MEGF6: variants seen among roughly 807,000 people sequenced by gnomAD.
MEGF6 encodes multiple epidermal growth factor-like domains protein 6.
Under a neutral mutation model 207.1 loss-of-function variants are expected in MEGF6, and 184 were observed. The observed-to-expected ratio is 0.89, with a 90% confidence interval of 0.79 to 1.00. The LOEUF (loss-of-function observed/expected upper bound fraction) is 1.00. Among genes scored for constraint, MEGF6 ranks in the 50% least tolerant of loss-of-function variants. The pLI is 0.00. For missense variants in MEGF6, 2,282 were observed against 2,202.9 expected (o/e 1.04, Z -0.72); for synonymous variants, 1,038 against 910.0 (o/e 1.14, Z -2.53).
rs535501065 is a variant in MEGF6, at chr1:3,499,022, TC to T, written c.3094+115del. The T allele has an allele frequency of 5.8e-4, 850 of 1,465,880 alleles. 3 individuals are homozygous for T. In the African/African-American group the frequency reaches 0.011, roughly 18 times the overall value. The allele number at this position is 1,465,880 out of a possible 1,614,324, so 90.8% of individuals were successfully genotyped here. On this transcript the variant is annotated intron_variant, in intron 24 of 36. Transcript: ENST00000356575. The stretch of plus-strand genomic sequence containing the variant: ...CACAGGTGAAAGGCACGGTCCTCAG[TC>T]CTAACAGCCCCTTCCTCCCTCCCCC...
At chr1:3,606,795 G>T (rs147015821) in intron 1 of MEGF6, among the ~76,000 whole-genome samples, 2 of 152,154 alleles carry the variant, frequency 1.3e-5, no homozygotes, top group Non-Finnish European at 2.9e-5. Flanking sequence ...AAGCCGGGGG[G>T]AATAGGCCAA....
chr1:3,531,395 C>A (rs1381197773), intron 4 of MEGF6: 11 of 1,159,260 alleles, frequency 9.5e-6, no homozygotes, highest in Non-Finnish European at 1.1e-5. Context: ...CGCTCGGCGC[C>A]GCCCGGGAGC....
intron 4 of MEGF6, among the ~76,000 whole-genome samples, chr1:3,543,218 A>T (rs535517413): frequency 4.3e-4 from 66 of 152,070 alleles, no homozygotes; most frequent in Non-Finnish European, 7.6e-4. Flanking sequence ...ACTCACTCAG[A>T]GCTTGATGGG....
chr1:3,590,418 G>A (rs1433743502), intron 3 of MEGF6, among the ~76,000 whole-genome samples: 2 of 152,194 alleles, frequency 1.3e-5, no homozygotes, highest in African/African-American at 4.8e-5. Context: ...AGAGGAGTGG[G>A]TCCGAACCCC....
intron 4 of MEGF6, 22 bp downstream of exon 4, chr1:3,579,803 G>C: frequency 6.9e-7 from 1 of 1,447,000 alleles, no homozygotes; most frequent in Non-Finnish European, 9.1e-7. Flanking sequence ...CAGGGCCTTG[G>C]TCCCCCAGGG....
At chr1:3,607,612 A>T (rs2101902857) in intron 1 of MEGF6, among the ~76,000 whole-genome samples, 1 of 152,270 alleles carries the variant, frequency 6.6e-6, no homozygotes, top group South Asian at 2.1e-4. Context: ...AGAAGAATGG[A>T]CAAAAAGAAA....
intron 3 of MEGF6, among the ~76,000 whole-genome samples, chr1:3,582,808 C>T (rs1278478159): frequency 2.0e-5 from 3 of 152,144 alleles, no homozygotes; most frequent in Admixed American, 6.5e-5. Flanking sequence ...GCTCCCTAAC[C>T]CGTCTCCAAA....
At chr1:3,595,592 C>T (rs1644050764) in intron 2 of MEGF6, 145 bp from the exon 3 acceptor site, 2 of 661,938 alleles carry the variant, frequency 3.0e-6, no homozygotes, top group Non-Finnish European at 2.6e-6. Flanking sequence ...GGTGGGGTGG[C>T]TGATGCCAAT....
Position 3,505,481 on chromosome 1 carries a change from T to C in MEGF6, c.1994A>G (p.Asp665Gly). 6.2e-7 allele frequency: 1 copy of C among 1,608,878 alleles called. No individual in the cohort carries two copies. Among genetic ancestry groups the C allele is most frequent in the Non-Finnish European group, 8.5e-7 (1 of 1,178,840 alleles). Residue 665 changes from aspartate (D) to glycine (G), a missense_variant, in exon 16 of 37, where the codon GAC becomes GGC. Transcript: ENST00000356575. ...GCAGGAGCAGCTGCCATCCCTCTTG[T>C]CACAGGACTGCGTGTGGGGCTGCAC... is the stretch of plus-strand genomic sequence containing the variant. ...QCVQPHTQSC[D>G]KRDGSCSCKA...
At chr1:3,547,413 G>A (rs1021003146) in intron 4 of MEGF6, among the ~76,000 whole-genome samples, 5 of 152,186 alleles carry the variant, frequency 3.3e-5, no homozygotes, top group Non-Finnish European at 7.4e-5. Flanking sequence ...TGGCAGAGGA[G>A]GTGGCCCTGC....
chr1:3,602,369 G>A (rs571463411), intron 2 of MEGF6, 97 bp downstream of exon 2: 1 of 1,551,486 alleles, frequency 6.4e-7, no homozygotes, highest in African/African-American at 1.4e-5. Context: ...CCTGAGACCA[G>A]GACGGGGTCC....
rs1409242416 is a variant in MEGF6, at chr1:3,600,560, C to G, written c.266+1906G>C. On this transcript the variant is annotated intron_variant, in intron 2 of 36. Transcript: ENST00000356575. Reference sequence around the variant, plus strand: ...GGGATGAAGGGAGCAAGCCTCAGGCCGGTGCTCCAGGCACCACCCAAAGTC... The same window carrying G: ...GGGATGAAGGGAGCAAGCCTCAGGCGGGTGCTCCAGGCACCACCCAAAGTC... Among the ~76,000 whole-genome samples, 3 of 152,286 alleles carry G rather than the reference C, an allele frequency of 2.0e-5. No individual in the cohort carries two copies. The South Asian group carries it at 6.2e-4, about 32-fold the overall frequency.
At chr1:3,512,189 C>T in intron 7 of MEGF6, 61 bp from the exon 8 acceptor site, 1 of 1,532,800 alleles carries the variant, frequency 6.5e-7, no homozygotes, top group Non-Finnish European at 8.8e-7. Context: ...TGCATGGGAC[C>T]AGTGGAAGAC....
the MEGF6 span, among the ~76,000 whole-genome samples, chr1:3,617,828 G>A: frequency 6.6e-6 from 1 of 152,130 alleles, no homozygotes; most frequent in Non-Finnish European, 1.5e-5. Context: ...CGTGGAGACC[G>A]AGGCGATGTG....
Position 3,599,713 on chromosome 1 carries a change from G to A in MEGF6, c.266+2753C>T, listed in dbSNP as rs556022022. On this transcript the variant is annotated intron_variant, in intron 2 of 36. Coordinates refer to ENST00000356575, the MANE Select transcript of MEGF6 (RefSeq NM_001409.4). Reference sequence around the variant, plus strand: ...CTGGCGAGGTGGCAGATGGAGGTGCGTAGAGGCTGAGGGGCGTGCGTGGTG... The same window carrying A: ...CTGGCGAGGTGGCAGATGGAGGTGCATAGAGGCTGAGGGGCGTGCGTGGTG... Among the ~76,000 whole-genome samples the A allele has an allele frequency of 5.4e-4, 82 of 152,328 alleles. No homozygotes were observed. In the South Asian group the frequency reaches 0.012, roughly 23 times the overall value.
upstream of MEGF6, among the ~76,000 whole-genome samples, chr1:3,613,962 T>A (rs1644357204): frequency 6.6e-6 from 1 of 152,038 alleles, no homozygotes; most frequent in South Asian, 2.1e-4. Flanking sequence ...GAGTCCTGGG[T>A]AGGCCCCAGG....
At position 3,560,109 on chromosome 1, in the gene MEGF6, T is replaced by C. The variant is rs1040038751; in HGVS notation, c.481+19716A>G. Among the ~76,000 whole-genome samples, 1 of 149,006 alleles carries C rather than the reference T, an allele frequency of 6.7e-6. No homozygotes were observed. Among genetic ancestry groups the C allele is most frequent in the Non-Finnish European group, 1.5e-5 (1 of 67,442 alleles). ...GCAGGAGAGGGCCTGGCAAGGTTAG[T>C]CCCAGAGGGCAAAGAAGGCTGGGCT... On this transcript the variant is annotated intron_variant, in intron 4 of 36. Coordinates refer to ENST00000356575, the MANE Select transcript of MEGF6 (RefSeq NM_001409.4). The surrounding 1 kb of genome is among the most constrained non-coding windows in gnomAD (Gnocchi z 4.0).
At chr1:3,534,474 C>T (rs752166950) in intron 4 of MEGF6, among the ~76,000 whole-genome samples, 4 of 152,174 alleles carry the variant, frequency 2.6e-5, no homozygotes, top group African/African-American at 9.7e-5. Flanking sequence ...AGGCCCCAGG[C>T]GAGCTGTGGA....
At chr1:3,490,767 G>A in intron 36 of MEGF6, 145 bp downstream of exon 36, 1 of 1,263,286 alleles carries the variant, frequency 7.9e-7, no homozygotes, top group Non-Finnish European at 1.1e-6. Context: ...CCCAGCCTTG[G>A]TCTCTGAGCT....
Sources: allele counts gnomAD v4.1 joint callset (sites outside exome capture counted in the v4.1 genomes callset), GRCh38; gene constraint gnomAD v4.1.1; non-coding constraint Gnocchi (gnomAD v3.1); transcripts MANE v1.5; gene names NCBI Gene and HGNC (gene_info 2026-07-23, HGNC 2026-07-21).